Variants in SEC11C observed in about 807,000 individuals in gnomAD.
SEC11C encodes SEC11 homolog C, signal peptidase complex subunit.
SEC11C carries 10 observed loss-of-function variants against 21.9 expected under a neutral mutation model. That is an observed-to-expected ratio of 0.46 (90% CI 0.28 to 0.77). The LOEUF is 0.77. SEC11C is among the 30% of genes least tolerant of loss of function. The pLI, the probability that SEC11C is intolerant of heterozygous loss-of-function variation, is 0.12. For synonymous variants in SEC11C, 83 were observed against 85.6 expected, an observed-to-expected ratio of 0.97 and a Z score of 0.17; for missense variants, 145 against 244.5, an observed-to-expected ratio of 0.59 and a Z score of 2.71.
In SEC11C at chr18:59,149,608, C is replaced by G; in HGVS notation, c.183C>G (p.Ile61Met). ...TGCTCACAGGCAGTGAGAGCCCCAT[C>G]GTGGTGGTGCTGAGGTAGGTCCCCC... is the stretch of plus-strand genomic sequence containing the variant. ...LIVLTGSESP[I>M]VVVLSGSMEP... The change falls in exon 2 of 6, where the codon ATC (isoleucine) becomes ATG (methionine). Residue 61 changes from isoleucine (I) to methionine (M), a missense_variant. By Grantham distance (10) the Ile-to-Met change is conservative (BLOSUM62 1). Transcript: ENST00000587834. 1 of 1,610,030 alleles carries G rather than the reference C, an allele frequency of 6.2e-7. No individual in the cohort carries two copies. The highest frequency in any genetic ancestry group is 8.5e-7 in the Non-Finnish European group (1 of 1,176,656).
intron 2 of SEC11C, among the ~76,000 whole-genome samples, chr18:59,151,708 G>T (rs1332915814): frequency 2.0e-5 from 3 of 152,130 alleles, no homozygotes. Context: ...GAGCTTCAGT[G>T]GTTCATTCTC....
At chr18:59,152,454 T>G in intron 2 of SEC11C, 82 bp from the exon 3 acceptor site, 8 of 1,426,834 alleles carry the variant, frequency 5.6e-6, no homozygotes, top group Non-Finnish European at 7.5e-6. Context: ...ACTTGACTAT[T>G]GAGTTTCACC....
Position 59,144,505 on chromosome 18 carries a change from A to T in SEC11C, c.87+4470A>T, listed in dbSNP as rs11152128. ...CCCAGCACTTTGGGAGGATTGCTTG[A>T]GGCTAGTATGTTCAAGACCAGCCTG... On this transcript the variant is annotated intron_variant, in intron 1 of 5. Coordinates refer to ENST00000587834, the MANE Select transcript of SEC11C (RefSeq NM_033280.4). 5.3e-5 allele frequency among the ~76,000 whole-genome samples: 8 copies of T among 151,988 alleles called. No individual in the cohort carries two copies. The East Asian group carries it at 1.4e-3, about 26-fold the overall frequency.
At chr18:59,143,124 G>A (rs992001385) in intron 1 of SEC11C, among the ~76,000 whole-genome samples, 3 of 152,052 alleles carry the variant, frequency 2.0e-5, no homozygotes, top group Non-Finnish European at 2.9e-5. Flanking sequence ...AGGCCGAGGC[G>A]GGCAGATCAT....
intron 1 of SEC11C, among the ~76,000 whole-genome samples, chr18:59,148,621 T>G (rs1367931101): frequency 3.0e-5 from 1 of 32,802 alleles, no homozygotes; most frequent in Non-Finnish European, 5.1e-5. Flanking sequence ...CTGTGCTCCT[T>G]TTTTTTTTTT....
Position 59,149,633 on chromosome 18 carries a change from C to T in SEC11C, c.197+11C>T, listed in dbSNP as rs762995419. The T allele has an allele frequency of 6.3e-7, 1 of 1,580,922 alleles. No individual in the cohort carries two copies. The highest frequency in any genetic ancestry group is 8.7e-7 in the Non-Finnish European group (1 of 1,151,178). ...CGTGGTGGTGCTGAGGTAGGTCCCC[C>T]AGGCTGGCCTCCAGCCTCCAACCTC... On this transcript the variant is annotated intron_variant, in intron 2 of 5. Coordinates refer to ENST00000587834, the MANE Select transcript of SEC11C (RefSeq NM_033280.4).
At chr18:59,154,657 A>C (rs1299964650) in intron 3 of SEC11C, among the ~76,000 whole-genome samples, 1 of 152,246 alleles carries the variant, frequency 6.6e-6, no homozygotes, top group Non-Finnish European at 1.5e-5. Context: ...AAGGAAAAGG[A>C]AATCTGAGGA....
At chr18:59,150,184 A>G (rs1287442253) in intron 2 of SEC11C, among the ~76,000 whole-genome samples, 1 of 152,230 alleles carries the variant, frequency 6.6e-6, no homozygotes, top group Non-Finnish European at 1.5e-5. Flanking sequence ...CTTAACATCA[A>G]TTTGAAATCA....
intron 1 of SEC11C, among the ~76,000 whole-genome samples, chr18:59,143,225 C>T (rs1053233880): frequency 1.3e-5 from 2 of 151,760 alleles, no homozygotes; most frequent in Admixed American, 1.3e-4. Context: ...TGGTGGTGCA[C>T]ACCTGTTATC....
At chr18:59,140,653 A>G (rs762063985) in intron 1 of SEC11C, among the ~76,000 whole-genome samples, 2 of 152,200 alleles carry the variant, frequency 1.3e-5, no homozygotes, top group Non-Finnish European at 2.9e-5. Flanking sequence ...AGCCTTCTCT[A>G]ACTTCTGAGA....
chr18:59,146,368 C>G (rs1054997357), intron 1 of SEC11C, among the ~76,000 whole-genome samples: 4 of 152,114 alleles, frequency 2.6e-5, no homozygotes, highest in African/African-American at 7.2e-5. Flanking sequence ...TTAAAGACAT[C>G]TAAGTGGAAA....
chr18:59,144,211 T>A (rs1307775263), intron 1 of SEC11C, among the ~76,000 whole-genome samples: 1 of 152,206 alleles, frequency 6.6e-6, no homozygotes, highest in Non-Finnish European at 1.5e-5. Context: ...TTTTCCACAT[T>A]ATTAGAATTA....
intron 1 of SEC11C, among the ~76,000 whole-genome samples, chr18:59,142,277 T>C (rs1023310767): frequency 2.0e-4 from 31 of 152,244 alleles, no homozygotes; most frequent in African/African-American, 7.5e-4. Flanking sequence ...TTTTGAGGAA[T>C]TGATTTTGCT....
chr18:59,145,235 C>T (rs572708497), intron 1 of SEC11C, among the ~76,000 whole-genome samples: 2 of 152,366 alleles, frequency 1.3e-5, no homozygotes, highest in East Asian at 1.9e-4. Context: ...TATTGGCACA[C>T]GGCCATGCTC....
intron 1 of SEC11C, 138 bp from the exon 2 acceptor site, chr18:59,149,375 C>A (rs2069319526): frequency 3.7e-6 from 2 of 539,166 alleles, no homozygotes; most frequent in Admixed American, 2.8e-5. Flanking sequence ...TGAAATACTG[C>A]AGAATTTTGT....
At chr18:59,143,860 T>TCTTTTTTC (rs57259686) in intron 1 of SEC11C, among the ~76,000 whole-genome samples, 3 of 151,726 alleles carry the variant, frequency 2.0e-5, no homozygotes, top group Non-Finnish European at 2.9e-5. Flanking sequence ...ATTTTCTTTT[T>TCTTTTTTC]TTTTTTTTTG....
intron 1 of SEC11C, 148 bp from the exon 2 acceptor site, chr18:59,149,365 T>G (rs1044292777): frequency 1.9e-6 from 1 of 523,264 alleles, no homozygotes; most frequent in Non-Finnish European, 3.5e-6. Flanking sequence ...GGACAGAAGT[T>G]GAAATACTGC....
chr18:59,146,253 A>T (rs964981149), intron 1 of SEC11C, among the ~76,000 whole-genome samples: 1 of 152,212 alleles, frequency 6.6e-6, no homozygotes, highest in African/African-American at 2.4e-5. Context: ...GGTGGCTCCA[A>T]ACAGCAGGGT....
At chr18:59,154,799 C>T (rs548589874) in intron 3 of SEC11C, among the ~76,000 whole-genome samples, 2 of 152,342 alleles carry the variant, frequency 1.3e-5, no homozygotes, top group East Asian at 1.9e-4. Context: ...GGCGCGGTGG[C>T]TTATGCCTGT....
Sources: allele counts gnomAD v4.1 joint callset (sites outside exome capture counted in the v4.1 genomes callset), GRCh38; gene constraint gnomAD v4.1.1; transcripts MANE v1.5; gene names NCBI Gene and HGNC (gene_info 2026-07-23, HGNC 2026-07-21).